The following MORC3 variants were observed in gnomAD, a reference collection of about 807,000 sequenced individuals.
The protein encoded by MORC3 is MORC family CW-type zinc finger 3, also known as MORC family CW-type zinc finger protein 3.
A neutral mutation model predicts 109.1 loss-of-function variants in MORC3; 31 were observed. That is an observed-to-expected ratio of 0.28 (90% CI 0.21 to 0.38). The LOEUF (loss-of-function observed/expected upper bound fraction) is 0.38. Ranked by LOEUF, MORC3 falls within the 10% of genes least tolerant of loss-of-function variation. The probability of loss-of-function intolerance (pLI) is 1.00; values close to 1 mark genes in which losing one functional copy is unlikely to be tolerated. For missense variants in MORC3, 867 were observed against 1,135.8 expected, an observed-to-expected ratio of 0.76 and a Z score of 3.40; for synonymous variants, 395 against 380.7, an observed-to-expected ratio of 1.04 and a Z score of -0.44.
At chr21:36,360,132 T>A in intron 11 of MORC3, 52 bp from the exon 12 acceptor site, 1 of 1,614,068 alleles carries the variant, frequency 6.2e-7, no homozygotes, top group South Asian at 1.1e-5. Context: ...CTGTTCACAG[T>A]GTATGAATAG....
chr21:36,376,478 T>A lies in MORC3; in HGVS notation c.*1182T>A, dbSNP rs999695792. The A allele has an allele frequency of 2.6e-5, 4 of 152,272 alleles. No individual in the cohort carries two copies. The highest frequency in any genetic ancestry group is 2.6e-4 in the Admixed American group (4 of 15,282). 9.4% of individuals were successfully genotyped at this position (152,272 alleles called of 1,614,324 possible). A position where few individuals can be genotyped will look rare whatever the true frequency, so the allele number is the denominator to read the frequency against. On this transcript the variant is annotated 3_prime_UTR_variant, in exon 17 of 17. Transcript: ENST00000400485. ...ACAGTATTGAATTTTTACTGTATAG[T>A]AATTCTGGAAAGAGCAAATAAATGA...
At chr21:36,355,974 C>CA (rs1205143376) in intron 9 of MORC3, among the ~76,000 whole-genome samples, 2 of 152,020 alleles carry the variant, frequency 1.3e-5, no homozygotes, top group Admixed American at 1.3e-4. Flanking sequence ...TCAAGGTTTA[C>CA]AGTATTGCAC....
chr21:36,350,660 A>G (rs1482582896), intron 9 of MORC3, among the ~76,000 whole-genome samples: 2 of 152,164 alleles, frequency 1.3e-5, no homozygotes, highest in Non-Finnish European at 2.9e-5. Context: ...ATTAGAAATG[A>G]AAAAGAAGAA....
chr21:36,357,171 A>G (rs2085654333), intron 10 of MORC3, among the ~76,000 whole-genome samples: 1 of 152,216 alleles, frequency 6.6e-6, no homozygotes, highest in African/African-American at 2.4e-5. Flanking sequence ...CTCGAATTAT[A>G]TGAATTAAAT....
rs2146301119 is a variant in MORC3 at position 36,338,934 on chromosome 21, A to G, written c.608+13A>G. 6.2e-7 allele frequency: 1 copy of G among 1,613,124 alleles called. No homozygotes were observed. Among genetic ancestry groups the G allele is most frequent in the Non-Finnish European group, 8.5e-7 (1 of 1,179,270 alleles). On this transcript the variant is annotated intron_variant, in intron 5 of 16. Coordinates refer to ENST00000400485, the MANE Select transcript of MORC3 (RefSeq NM_015358.3). ...GGAATCTTAGAAGGTAAACGTGGAC[A>G]TAGATGTTGACCGTTTGGGAAGTAA...
intron 14 of MORC3, among the ~76,000 whole-genome samples, chr21:36,368,118 A>G (rs1448077582): frequency 2.0e-5 from 3 of 152,226 alleles, no homozygotes; most frequent in Non-Finnish European, 4.4e-5. Flanking sequence ...AAGTGTGGAA[A>G]AAGGCAATCA....
intron 3 of MORC3, 128 bp downstream of exon 3, chr21:36,337,134 C>T (rs2085382942): frequency 9.1e-7 from 1 of 1,095,056 alleles, no homozygotes; most frequent in African/African-American, 1.6e-5. Flanking sequence ...GAGCTGTTCT[C>T]TAAGCATGAT....
chr21:36,330,263 T>G (rs2085300496), intron 1 of MORC3, among the ~76,000 whole-genome samples: 1 of 152,126 alleles, frequency 6.6e-6, no homozygotes, highest in African/African-American at 2.4e-5. Context: ...AGAAAACATT[T>G]TACAGCCTCT....
intron 10 of MORC3, among the ~76,000 whole-genome samples, chr21:36,359,370 A>T (rs2146327463): frequency 6.6e-6 from 1 of 152,254 alleles, no homozygotes; most frequent in South Asian, 2.1e-4. Flanking sequence ...TCCTGTGCTC[A>T]AGCGATTCTC....
At chr21:36,362,307 C>G in intron 13 of MORC3, 79 bp downstream of exon 13, 1 of 1,468,374 alleles carries the variant, frequency 6.8e-7, no homozygotes. Flanking sequence ...TTTTGGGAGG[C>G]CGAGGCAGGT....
chr21:36,350,886 C>CGTA (rs1419299073), intron 9 of MORC3, among the ~76,000 whole-genome samples: 1 of 151,966 alleles, frequency 6.6e-6, no homozygotes, highest in Non-Finnish European at 1.5e-5. Context: ...GTATGGAATA[C>CGTA]ATGTGATATT....
At chr21:36,361,325 C>T (rs895646021) in intron 12 of MORC3, among the ~76,000 whole-genome samples, 2 of 151,174 alleles carry the variant, frequency 1.3e-5, no homozygotes, top group Non-Finnish European at 2.9e-5. Context: ...GGGTGGATCA[C>T]TTGAGGTCAG....
At chr21:36,325,064 T>A (rs906874422) in intron 1 of MORC3, among the ~76,000 whole-genome samples, 1 of 152,172 alleles carries the variant, frequency 6.6e-6, no homozygotes, top group Non-Finnish European at 1.5e-5. Flanking sequence ...TTTTCATACA[T>A]GAATAGAGCT....
chr21:36,343,698 C>T (rs946692292), intron 6 of MORC3, among the ~76,000 whole-genome samples: 2 of 151,972 alleles, frequency 1.3e-5, no homozygotes, highest in African/African-American at 4.8e-5. Context: ...CCGCCCGCCT[C>T]GGCCTCCCAA....
chr21:36,344,542 C>T (rs2085486845), intron 6 of MORC3, 37 bp from the exon 7 acceptor site: 5 of 1,601,498 alleles, frequency 3.1e-6, no homozygotes, highest in Non-Finnish European at 4.3e-6. Context: ...GGTGAGCAAA[C>T]CTGTAGATAC....
At chr21:36,325,345 G>A (rs2085237238) in intron 1 of MORC3, among the ~76,000 whole-genome samples, 1 of 152,230 alleles carries the variant, frequency 6.6e-6, no homozygotes, top group Non-Finnish European at 1.5e-5. Flanking sequence ...CTGGTCTCCT[G>A]CCATGGCATA....
At chr21:36,361,448 C>T (rs2085713901) in intron 12 of MORC3, among the ~76,000 whole-genome samples, 1 of 142,634 alleles carries the variant, frequency 7.0e-6, no homozygotes, top group Non-Finnish European at 1.5e-5. Flanking sequence ...GAGGCTGAGG[C>T]AGGAGAATCA....
intron 1 of MORC3, among the ~76,000 whole-genome samples, chr21:36,323,613 C>T (rs541493216): frequency 1.3e-5 from 2 of 152,204 alleles, no homozygotes; most frequent in African/African-American, 4.8e-5. Flanking sequence ...TACCCTTGCT[C>T]TTTCTTTAAT....
intron 9 of MORC3, among the ~76,000 whole-genome samples, chr21:36,350,040 C>T (rs2085553352): frequency 6.6e-6 from 1 of 152,194 alleles, no homozygotes; most frequent in African/African-American, 2.4e-5. Context: ...TGCAGTGGCT[C>T]TTTCCTGTAA....
Sources: allele counts gnomAD v4.1 joint callset (sites outside exome capture counted in the v4.1 genomes callset), GRCh38; gene constraint gnomAD v4.1.1; transcripts MANE v1.5; gene names NCBI Gene and HGNC (gene_info 2026-07-23, HGNC 2026-07-21).